The following LARP1B variants were observed in gnomAD, a reference collection of about 807,000 sequenced individuals.
The protein encoded by LARP1B is La ribonucleoprotein 1B.
In LARP1B, 76 loss-of-function variants were observed where a neutral mutation model predicts 114.2. That is an observed-to-expected ratio of 0.67 (90% CI 0.55 to 0.81). The LOEUF (loss-of-function observed/expected upper bound fraction) is 0.81, where lower values mean the gene tolerates loss of function less well. LARP1B is among the 30% of genes least tolerant of loss of function. LARP1B has a pLI of 0.00. For missense variants in LARP1B, 1,014 were observed against 1,075.8 expected (o/e 0.94, Z 0.80); for synonymous variants, 345 against 348.0 (o/e 0.99, Z 0.10).
intron 19 of LARP1B, among the ~76,000 whole-genome samples, chr4:128,208,729 T>C (rs1758257440): frequency 6.6e-6 from 1 of 152,216 alleles, no homozygotes; most frequent in Admixed American, 6.5e-5. Context: ...TGGAAAGGCA[T>C]AAAAAGCTGA....
rs1760038747 is a variant in LARP1B, at chr4:128,061,397, GC to G, written c.-80del. On this transcript the variant is annotated 5_prime_UTR_variant, in exon 1 of 20. Coordinates refer to ENST00000326639, the MANE Select transcript of LARP1B (RefSeq NM_018078.4). Reference sequence around the variant, plus strand: ...TGCTGCGCCTCCGCGGCTGCCCTGCGCCAGGTGAGGGCTCGCGGCTCCCGGC... The same window carrying G: ...TGCTGCGCCTCCGCGGCTGCCCTGCGCAGGTGAGGGCTCGCGGCTCCCGGC... 1 of 152,848 alleles carries G rather than the reference GC, an allele frequency of 6.5e-6. No individual in the cohort carries two copies. The highest frequency in any genetic ancestry group is 6.6e-5 in the Admixed American group (1 of 15,260). The allele number at this position is 152,848 out of a possible 1,614,324, so 9.5% of individuals were successfully genotyped here.
chr4:128,071,289 G>A (rs1049309869), intron 1 of LARP1B, among the ~76,000 whole-genome samples: 8 of 151,848 alleles, frequency 5.3e-5, no homozygotes, highest in Non-Finnish European at 1.2e-4. Flanking sequence ...CTCGTGATCC[G>A]CCACCTCGGC....
intron 6 of LARP1B, among the ~76,000 whole-genome samples, chr4:128,217,031 T>C (rs889527906): frequency 2.0e-5 from 3 of 150,816 alleles, no homozygotes; most frequent in African/African-American, 7.3e-5. Context: ...GCAAATAAAC[T>C]AGAAAATCTA....
At chr4:128,186,319 C>T (rs55912890) in intron 15 of LARP1B, among the ~76,000 whole-genome samples, 97,802 of 151,922 alleles carry the variant, frequency 0.64, 31,822 homozygotes, top group Middle Eastern at 0.81. Context: ...CATTCCCTTT[C>T]TTTCGTGTGA....
chr4:128,163,520 G>A (rs934264857), intron 12 of LARP1B, among the ~76,000 whole-genome samples: 4 of 151,964 alleles, frequency 2.6e-5, no homozygotes, highest in African/African-American at 4.8e-5. Flanking sequence ...TAATCATTAC[G>A]TCTTACCTTA....
intron 7 of LARP1B, chr4:128,093,156 A>G (rs1433754464): frequency 2.8e-6 from 1 of 358,662 alleles, no homozygotes; most frequent in African/African-American, 2.2e-5. Flanking sequence ...CACTAGGTTT[A>G]GTGTGGCTTG....
At position 128,175,515 on chromosome 4, in the gene LARP1B, A is replaced by T. The variant is rs943606477; in HGVS notation, c.1649-1357A>T. On this transcript the variant is annotated intron_variant, in intron 12 of 19. Coordinates refer to ENST00000326639, the MANE Select transcript of LARP1B (RefSeq NM_018078.4). ...ATTCCTTCTGCAATCCTTACATAAA[A>T]TTTTTCTGTGAAGAATGTTCTTTCA... Among the ~76,000 whole-genome samples the T allele has an allele frequency of 2.6e-5, 4 of 152,090 alleles. No homozygotes were observed. The East Asian group carries it at 7.7e-4, about 29-fold the overall frequency.
At chr4:128,191,856 C>T (rs1380880863) in intron 15 of LARP1B, among the ~76,000 whole-genome samples, 3 of 152,170 alleles carry the variant, frequency 2.0e-5, no homozygotes, top group Admixed American at 2.0e-4. Context: ...TGGCTGTCCT[C>T]CTCCATCTAA....
intron 11 of LARP1B, chr4:128,122,699 A>G: frequency 7.7e-7 from 1 of 1,302,488 alleles, no homozygotes; most frequent in Non-Finnish European, 9.7e-7. Flanking sequence ...ACTATAAATG[A>G]CTAAACTGGA....
At chr4:128,089,996 C>T (rs570386681) in intron 5 of LARP1B, among the ~76,000 whole-genome samples, 2 of 151,618 alleles carry the variant, frequency 1.3e-5, no homozygotes, top group Admixed American at 1.3e-4. Context: ...TGGTCTTGAA[C>T]TCCTGAGTTC....
chr4:128,066,165 C>CTTCTT (rs1762728664), intron 1 of LARP1B, among the ~76,000 whole-genome samples: 1 of 99,188 alleles, frequency 1.0e-5, no homozygotes, highest in Non-Finnish European at 1.9e-5. Flanking sequence ...TTTCTTTCTT[C>CTTCTT]TTTTTTTTTT....
At chr4:128,206,952 A>C (rs1309763964) in intron 18 of LARP1B, 7 of 531,932 alleles carry the variant, frequency 1.3e-5, no homozygotes, top group Non-Finnish European at 1.7e-5. Flanking sequence ...ATTGTGGGTA[A>C]ATTGCCTACC....
chr4:128,179,773 A>G (rs1409144283), intron 15 of LARP1B, among the ~76,000 whole-genome samples: 1 of 152,132 alleles, frequency 6.6e-6, no homozygotes, highest in Non-Finnish European at 1.5e-5. Flanking sequence ...TAGGTCTATG[A>G]AAGTTATTAT....
chr4:128,137,609 G>T (rs990939896), intron 11 of LARP1B, among the ~76,000 whole-genome samples: 3 of 151,572 alleles, frequency 2.0e-5, no homozygotes, highest in Non-Finnish European at 4.4e-5. Context: ...ATATATTTAT[G>T]GGATACATGT....
rs141517657 is a variant in LARP1B at position 128,108,398 on chromosome 4, C to T, written c.988+1085C>T. Reference sequence around the variant, plus strand: ...ATATTGTCATGATGTTTCACTTGGACATAAGACTTATTAATGTGGTCACTT... The same window carrying T: ...ATATTGTCATGATGTTTCACTTGGATATAAGACTTATTAATGTGGTCACTT... On this transcript the variant is annotated intron_variant, in intron 9 of 19. Coordinates refer to ENST00000326639, the MANE Select transcript of LARP1B (RefSeq NM_018078.4). The T allele has an allele frequency of 6.0e-4, 592 of 986,944 alleles. 5 individuals carry two copies. The African/African-American group carries it at 9.4e-3, about 16-fold the overall frequency. The allele number at this position is 986,944 out of a possible 1,614,324, so 61.1% of individuals were successfully genotyped here.
intron 7 of LARP1B, among the ~76,000 whole-genome samples, chr4:128,220,887 C>T (rs1216302772): frequency 1.3e-5 from 2 of 152,234 alleles, no homozygotes; most frequent in Non-Finnish European, 2.9e-5. Flanking sequence ...AGTGTTATCA[C>T]ACAACTAGTT....
chr4:128,093,103 G>A, intron 7 of LARP1B: 1 of 942,952 alleles, frequency 1.1e-6, no homozygotes, highest in Non-Finnish European at 1.3e-6. Flanking sequence ...CTCTTTTTTT[G>A]TTGTTGTTCT....
At chr4:128,178,754 T>C (rs1747296671) in intron 14 of LARP1B, 112 bp downstream of exon 14, 1 of 860,076 alleles carries the variant, frequency 1.2e-6, no homozygotes, top group South Asian at 1.8e-5. Context: ...ACTTGTAATA[T>C]TTCACTTAAA....
At chr4:128,108,311 A>G in intron 9 of LARP1B, 2 of 1,017,430 alleles carry the variant, frequency 2.0e-6, no homozygotes, top group African/African-American at 3.4e-5. Context: ...AGCATTTCCC[A>G]GATTCTTAAG....
Sources: allele counts gnomAD v4.1 joint callset (sites outside exome capture counted in the v4.1 genomes callset), GRCh38; gene constraint gnomAD v4.1.1; transcripts MANE v1.5; gene names NCBI Gene and HGNC (gene_info 2026-07-23, HGNC 2026-07-21).